RPAP2: variants seen among roughly 807,000 people sequenced by gnomAD.
RPAP2 encodes the protein RNA polymerase II associated protein 2.
RPAP2 carries 52 observed loss-of-function variants against 73.1 expected under a neutral mutation model. The ratio of observed to expected loss-of-function variants is 0.71; its 90% confidence interval spans 0.57 to 0.90. The LOEUF is 0.90. Ranked by LOEUF, RPAP2 falls within the 40% of genes least tolerant of loss-of-function variation. RPAP2 has a pLI of 0.00. For missense variants in RPAP2, 598 were observed against 701.8 expected, an observed-to-expected ratio of 0.85 and a Z score of 1.67; for synonymous variants, 225 against 242.1, an observed-to-expected ratio of 0.93 and a Z score of 0.65.
chr1:92,356,259 G>A (rs1422799483), intron 11 of RPAP2, among the ~76,000 whole-genome samples: 1 of 152,010 alleles, frequency 6.6e-6, no homozygotes, highest in African/African-American at 2.4e-5. Flanking sequence ...TTACAGGTGT[G>A]AGCCACCATG....
chr1:92,335,844 ATG>A (rs1427398629), intron 9 of RPAP2, among the ~76,000 whole-genome samples: 4 of 152,070 alleles, frequency 2.6e-5, no homozygotes, highest in African/African-American at 4.8e-5. Context: ...CATATTTTTT[ATG>A]TTCATCTGAT....
At chr1:92,312,389 A>C (rs1651642571) in intron 6 of RPAP2, among the ~76,000 whole-genome samples, 1 of 149,788 alleles carries the variant, frequency 6.7e-6, no homozygotes, top group African/African-American at 2.5e-5. Flanking sequence ...ACTGCACTCC[A>C]GCCTTGGCAA....
rs998593556 is a variant in RPAP2 at position 92,393,364 on chromosome 1, G to C, written c.*6353G>C. On this transcript the variant is annotated 3_prime_UTR_variant, in exon 13 of 13. Coordinates refer to ENST00000610020, the MANE Select transcript of RPAP2 (RefSeq NM_024813.3). ...AACAAAGACTTAAACGTAAGACCTA[G>C]GACCATAAAAATCCTAGAAGAAAAC... is the stretch of plus-strand genomic sequence containing the variant. The C allele has an allele frequency of 4.6e-5, 7 of 152,088 alleles. No homozygotes were observed. Among genetic ancestry groups the C allele is most frequent in the Admixed American group, 4.6e-4 (7 of 15,264 alleles). The allele number at this position is 152,088 out of a possible 1,614,324, so 9.4% of individuals were successfully genotyped here. A position where few individuals can be genotyped will look rare whatever the true frequency, so the allele number is the denominator to read the frequency against.
In RPAP2 at chr1:92,324,065, C is replaced by T; in HGVS notation, c.1145C>T (p.Thr382Ile). The T allele has an allele frequency of 6.2e-7, 1 of 1,614,010 alleles. No individual in the cohort carries two copies. The highest frequency in any genetic ancestry group is 8.5e-7 in the Non-Finnish European group (1 of 1,179,932). ...TTGATTGAGTGGAAGACAGAAGAAACATTGAGGTTTTTGTATGGCCAGAAT... is the reference window on the plus strand; with the variant it reads ...TTGATTGAGTGGAAGACAGAAGAAATATTGAGGTTTTTGTATGGCCAGAAT... Reference protein sequence around the residue: ...ETLIEWKTEETLRFLYGQNYA... With the variant: ...ETLIEWKTEEILRFLYGQNYA... Residue 382 changes from threonine (T) to isoleucine (I), a missense_variant, in exon 8 of 13, where the codon ACA (threonine) becomes ATA (isoleucine). Coordinates refer to ENST00000610020, the MANE Select transcript of RPAP2 (RefSeq NM_024813.3).
intron 11 of RPAP2, among the ~76,000 whole-genome samples, chr1:92,361,656 G>C (rs564713069): frequency 2.0e-5 from 3 of 152,218 alleles, no homozygotes; most frequent in African/African-American, 7.2e-5. Context: ...ACCAAATCCA[G>C]CATTGCCTTT....
In RPAP2 at chr1:92,393,575, C is replaced by T. The variant is rs1656108850; in HGVS notation, c.*6564C>T. 6.6e-6 allele frequency: 1 copy of T among 152,094 alleles called. No individual in the cohort carries two copies. Among genetic ancestry groups the T allele is most frequent in the African/African-American group, 2.4e-5 (1 of 41,420 alleles). 9.4% of individuals were successfully genotyped at this position (152,094 alleles called of 1,614,324 possible). A position where few individuals can be genotyped will look rare whatever the true frequency, so the allele number is the denominator to read the frequency against. On this transcript the variant is annotated 3_prime_UTR_variant, in exon 13 of 13. Transcript: ENST00000610020. ...TGGGAGAACATTTTTGCAATATATCCATCTGACAAAGGGCTAATATCCAGA... is the reference window on the plus strand; with the variant it reads ...TGGGAGAACATTTTTGCAATATATCTATCTGACAAAGGGCTAATATCCAGA...
chr1:92,327,027 C>T (rs559123612), intron 8 of RPAP2, among the ~76,000 whole-genome samples: 14 of 152,370 alleles, frequency 9.2e-5, no homozygotes, highest in South Asian at 8.3e-4. Flanking sequence ...TATGGTCTAT[C>T]TCGGAGACTG....
intron 11 of RPAP2, among the ~76,000 whole-genome samples, chr1:92,368,815 G>T (rs765784812): frequency 6.6e-6 from 1 of 152,202 alleles, no homozygotes; most frequent in Non-Finnish European, 1.5e-5. Flanking sequence ...GGAGCAGTCA[G>T]CTAAATAAAG....
chr1:92,359,469 G>A lies in RPAP2; in HGVS notation c.1688+13555G>A, dbSNP rs185038317. Among the ~76,000 whole-genome samples the A allele has an allele frequency of 2.5e-3, 388 of 152,288 alleles. 3 individuals are homozygous for A. Among genetic ancestry groups the A allele is most frequent in the South Asian group, 9.3e-3 (45 of 4,816 alleles). ...GAAGTAGTTGGGATTACAGGCATGC[G>A]CCACCATGCCCGTCTAATTTTTGTA... is the stretch of plus-strand genomic sequence containing the variant. On this transcript the variant is annotated intron_variant, in intron 11 of 12. Coordinates refer to ENST00000610020, the MANE Select transcript of RPAP2 (RefSeq NM_024813.3).
chr1:92,348,270 T>C (rs1654017187), intron 11 of RPAP2, among the ~76,000 whole-genome samples: 1 of 152,242 alleles, frequency 6.6e-6, no homozygotes, highest in African/African-American at 2.4e-5. Flanking sequence ...TCTTTCGTTA[T>C]GCCCTAATCC....
chr1:92,303,807 C>T (rs1651025846), intron 3 of RPAP2, among the ~76,000 whole-genome samples, 170 bp from the exon 4 acceptor site: 1 of 152,030 alleles, frequency 6.6e-6, no homozygotes, highest in South Asian at 2.1e-4. Context: ...ATGTTGAGCA[C>T]TTCTCTAAGT....
chr1:92,336,544 T>C (rs1653289681), intron 10 of RPAP2, 117 bp downstream of exon 10: 2 of 663,164 alleles, frequency 3.0e-6, no homozygotes, highest in East Asian at 2.7e-5. Flanking sequence ...CAGATCTAAA[T>C]ACAGTATTCT....
intron 12 of RPAP2, among the ~76,000 whole-genome samples, chr1:92,384,874 G>T (rs1655799473): frequency 6.6e-6 from 1 of 152,078 alleles, no homozygotes; most frequent in Admixed American, 6.6e-5. Context: ...TCTTGGCTGG[G>T]TGCAGTAGCT....
intron 10 of RPAP2, among the ~76,000 whole-genome samples, chr1:92,341,400 A>G (rs1653586465): frequency 6.6e-6 from 1 of 152,196 alleles, no homozygotes; most frequent in Non-Finnish European, 1.5e-5. Context: ...TTCATTTAGC[A>G]TCTGTGCTGG....
intron 12 of RPAP2, among the ~76,000 whole-genome samples, chr1:92,382,266 A>G (rs1313109508): frequency 6.6e-6 from 1 of 152,176 alleles, no homozygotes; most frequent in East Asian, 1.9e-4. Flanking sequence ...ATGATTCATA[A>G]TCCTTTGGGT....
At chr1:92,333,284 T>A in intron 8 of RPAP2, 107 bp from the exon 9 acceptor site, 1 of 800,166 alleles carries the variant, frequency 1.2e-6, no homozygotes, top group Non-Finnish European at 2.1e-6. Flanking sequence ...ATTTTCCTAC[T>A]GTGCCACAGA....
chr1:92,311,280 T>G (rs1651582461), intron 6 of RPAP2, among the ~76,000 whole-genome samples: 1 of 152,192 alleles, frequency 6.6e-6, no homozygotes, highest in African/African-American at 2.4e-5. Flanking sequence ...TTCTAATGAT[T>G]TACAGTTCTA....
Position 92,348,668 on chromosome 1 carries a change from T to TA in RPAP2, c.1688+2755dup, listed in dbSNP as rs1466332814. On this transcript the variant is annotated intron_variant, in intron 11 of 12. Coordinates refer to ENST00000610020, the MANE Select transcript of RPAP2 (RefSeq NM_024813.3). ...CACTGGAAATCTGTGGCTCAACTGA[T>TA]AGACTTTTTTTATCTCCAACTTTGT... 3.9e-5 allele frequency among the ~76,000 whole-genome samples: 6 copies of TA among 152,232 alleles called. No homozygotes were observed. The East Asian group carries it at 1.2e-3, about 29-fold the overall frequency.
chr1:92,326,258 T>C (rs1206007795), intron 8 of RPAP2, among the ~76,000 whole-genome samples: 1 of 152,202 alleles, frequency 6.6e-6, no homozygotes, highest in Non-Finnish European at 1.5e-5. Flanking sequence ...TGATGATGAA[T>C]AAATTCAGCA....
Sources: gnomAD v4.1 joint callset for allele counts (sites outside exome capture counted in the v4.1 genomes callset) on GRCh38, gnomAD v4.1.1 for gene constraint, MANE v1.5 for transcripts, NCBI Gene and HGNC (gene_info 2026-07-23, HGNC 2026-07-21) for gene names.